Variants in EXT1 observed in about 807,000 individuals in gnomAD.
The protein encoded by EXT1 is exostosin-1.
A neutral mutation model predicts 82.5 loss-of-function variants in EXT1; 20 were observed. That is an observed-to-expected ratio of 0.24 (90% CI 0.17 to 0.35). The LOEUF (loss-of-function observed/expected upper bound fraction) is 0.35, where lower values mean the gene tolerates loss of function less well. Ranked by LOEUF, EXT1 falls within the 10% of genes least tolerant of loss-of-function variation. The pLI is 1.00. For synonymous variants in EXT1, 348 were observed against 350.8 expected (o/e 0.99, Z 0.09); for missense variants, 757 against 936.5 (o/e 0.81, Z 2.50).
intron 1 of EXT1, among the ~76,000 whole-genome samples, chr8:118,100,616 T>G (rs888174586): frequency 2.0e-4 from 31 of 151,844 alleles, no homozygotes; most frequent in Non-Finnish European, 4.1e-4. Flanking sequence ...CATGGTGGCA[T>G]GCACCTGTAG....
At chr8:117,895,941 C>T (rs932151440) in intron 1 of EXT1, among the ~76,000 whole-genome samples, 3 of 152,204 alleles carry the variant, frequency 2.0e-5, no homozygotes, top group African/African-American at 4.8e-5. Context: ...TATATCATTC[C>T]ACATTGGCCT....
intron 1 of EXT1, among the ~76,000 whole-genome samples, chr8:118,073,372 G>C (rs1488113782): frequency 6.6e-6 from 1 of 152,192 alleles, no homozygotes; most frequent in African/African-American, 2.4e-5. Context: ...TGTAATCCCA[G>C]CACTTTGGGA....
chr8:118,026,657 C>T (rs1041724173), intron 1 of EXT1, among the ~76,000 whole-genome samples: 2 of 152,230 alleles, frequency 1.3e-5, no homozygotes, highest in Non-Finnish European at 2.9e-5. Context: ...GTCACAAATG[C>T]TGCTATAGTC....
Position 118,009,588 on chromosome 8 carries a change from GT to G in EXT1, c.962+100496del, listed in dbSNP as rs149706874. On this transcript the variant is annotated intron_variant, in intron 1 of 10. Transcript: ENST00000378204. The stretch of plus-strand genomic sequence containing the variant: ...GCAGACCGACCCTAGTCCGTGGCCT[GT>G]TAGGAACCGGGCTGCAAAGCAGGAA... Among the ~76,000 whole-genome samples, 491 of 152,340 alleles carry G rather than the reference GT, an allele frequency of 3.2e-3. 10 individuals are homozygous for G. Among genetic ancestry groups the G allele is most frequent in the East Asian group, 0.02 (104 of 5,176 alleles).
intron 1 of EXT1, among the ~76,000 whole-genome samples, chr8:117,873,845 T>A (rs912067663): frequency 2.0e-5 from 3 of 152,168 alleles, no homozygotes; most frequent in Admixed American, 1.3e-4. Flanking sequence ...AAAAAATGAG[T>A]TTATCAACAC....
At chr8:117,917,546 C>T (rs558545941) in intron 1 of EXT1, among the ~76,000 whole-genome samples, 3 of 152,174 alleles carry the variant, frequency 2.0e-5, no homozygotes, top group Admixed American at 6.5e-5. Context: ...AATATGCTTT[C>T]GTAAAATTCT....
chr8:118,043,720 C>A (rs1457744381), intron 1 of EXT1, among the ~76,000 whole-genome samples: 1 of 152,206 alleles, frequency 6.6e-6, no homozygotes, highest in African/African-American at 2.4e-5. Context: ...TAACACCTCA[C>A]ACAATGTGAA....
chr8:117,944,625 A>G (rs1223400453), intron 1 of EXT1, among the ~76,000 whole-genome samples: 1 of 152,184 alleles, frequency 6.6e-6, no homozygotes, highest in Non-Finnish European at 1.5e-5. Flanking sequence ...ACACATACAC[A>G]ATAGGTTTTA....
At chr8:117,949,479 T>C (rs1018118569) in intron 1 of EXT1, among the ~76,000 whole-genome samples, 5 of 149,626 alleles carry the variant, frequency 3.3e-5, no homozygotes, top group African/African-American at 1.2e-4. Flanking sequence ...TACACACACA[T>C]ACACACATAT....
intron 1 of EXT1, among the ~76,000 whole-genome samples, chr8:117,845,423 G>T (rs1034282594): frequency 1.1e-4 from 16 of 152,146 alleles, no homozygotes; most frequent in Non-Finnish European, 1.5e-5. Flanking sequence ...AGCCCAAGTG[G>T]TAATTGCTAC....
chr8:117,928,721 T>G (rs914659311), intron 1 of EXT1, among the ~76,000 whole-genome samples: 1 of 151,748 alleles, frequency 6.6e-6, no homozygotes, highest in Non-Finnish European at 1.5e-5. Flanking sequence ...ACTGGAAAAG[T>G]GTATGTGCAA....
intron 1 of EXT1, among the ~76,000 whole-genome samples, chr8:117,876,018 A>G (rs1208760775): frequency 6.6e-6 from 1 of 152,216 alleles, no homozygotes; most frequent in East Asian, 1.9e-4. Flanking sequence ...CATGCAACAA[A>G]TATTCTGAGC....
intron 1 of EXT1, among the ~76,000 whole-genome samples, chr8:118,022,020 C>A (rs1816111634): frequency 6.6e-6 from 1 of 152,094 alleles, no homozygotes; most frequent in Admixed American, 6.5e-5. Context: ...TCCTATTAAT[C>A]ATTTCTGTTG....
chr8:117,830,474 C>A (rs1327003612), intron 3 of EXT1, 125 bp from the exon 4 acceptor site: 2 of 1,029,980 alleles, frequency 1.9e-6, no homozygotes, highest in Non-Finnish European at 2.8e-6. Flanking sequence ...TATAGATCTA[C>A]TAAAAATCAT....
intron 1 of EXT1, among the ~76,000 whole-genome samples, chr8:118,070,001 G>C (rs915224135): frequency 6.6e-6 from 1 of 152,212 alleles, no homozygotes; most frequent in Non-Finnish European, 1.5e-5. Flanking sequence ...AGCAGAAAAG[G>C]TGATTATTTT....
chr8:117,803,766 C>A (rs1325276476), intron 10 of EXT1, among the ~76,000 whole-genome samples: 1 of 152,156 alleles, frequency 6.6e-6, no homozygotes, highest in East Asian at 1.9e-4. Flanking sequence ...ACCTTTAATA[C>A]TAAAATTGTA....
At chr8:118,003,765 CT>C (rs1233368856) in intron 1 of EXT1, among the ~76,000 whole-genome samples, 1 of 152,116 alleles carries the variant, frequency 6.6e-6, no homozygotes, top group Non-Finnish European at 1.5e-5. Flanking sequence ...ACTAAGTTTT[CT>C]TTTTAAGCCC....
intron 7 of EXT1, among the ~76,000 whole-genome samples, chr8:117,816,193 T>C (rs1466996527): frequency 2.0e-5 from 3 of 152,160 alleles, no homozygotes; most frequent in African/African-American, 7.2e-5. Flanking sequence ...ACTCTTTCCA[T>C]TTATTGAAAG....
At chr8:118,007,219 C>T (rs1262270873) in intron 1 of EXT1, among the ~76,000 whole-genome samples, 3 of 152,116 alleles carry the variant, frequency 2.0e-5, no homozygotes, top group African/African-American at 7.2e-5. Context: ...ACGGCGTGAA[C>T]CCAGGAGGCG....
Sources: allele counts gnomAD v4.1 joint callset (sites outside exome capture counted in the v4.1 genomes callset), GRCh38; gene constraint gnomAD v4.1.1; transcripts MANE v1.5; gene names NCBI Gene and HGNC (gene_info 2026-07-23, HGNC 2026-07-21).